The following GCLC variants were observed in gnomAD, a reference collection of about 807,000 sequenced individuals.
The protein encoded by GCLC is glutamate-cysteine ligase catalytic subunit.
Under a neutral mutation model 81.5 loss-of-function variants are expected in GCLC, and 30 were observed. The ratio of observed to expected loss-of-function variants is 0.37; its 90% CI spans 0.28 to 0.50. GCLC has a LOEUF of 0.50. Ranked by LOEUF, GCLC falls within the 20% of genes least tolerant of loss-of-function variation. GCLC has a pLI of 0.96. For synonymous variants in GCLC, 262 were observed against 273.3 expected (o/e 0.96, Z 0.41); for missense variants, 556 against 777.4 (o/e 0.72, Z 3.39).
rs1473886663 is a variant in GCLC at position 53,506,394 on chromosome 6, G to A, written c.1198-499C>T. ...GTTCTTTCTCCGTCCTGACCATCTTGGGACCCGATGGCAAGACTGGAAGGA... is the reference window on the plus strand; with the variant it reads ...GTTCTTTCTCCGTCCTGACCATCTTAGGACCCGATGGCAAGACTGGAAGGA... On this transcript the variant is annotated intron_variant, in intron 10 of 15. Transcript: ENST00000650454. This position sits in a 1 kb window ranked among gnomAD's most constrained non-coding sequence, Gnocchi z 4.0. The A allele has an allele frequency of 9.1e-6, 2 of 219,094 alleles. No homozygotes were observed. The highest frequency in any genetic ancestry group is 1.8e-5 in the Non-Finnish European group (2 of 109,976). 13.6% of individuals were successfully genotyped at this position (219,094 alleles called of 1,614,324 possible).
At position 53,514,337 on chromosome 6, in the gene GCLC, A is replaced by C. The variant is rs1208958718; in HGVS notation, c.620T>G (p.Ile207Arg). 1 of 1,587,428 alleles carries C rather than the reference A, an allele frequency of 6.3e-7. No homozygotes were observed. Among genetic ancestry groups the C allele is most frequent in the South Asian group, 1.1e-5 (1 of 90,508 alleles). ...AGATGGTGTATTCTTGTCCTTAAAT[A>C]CTGTATTATAAAAATACAAAAATAA... ...RGEKVVINVPIFKDKNTPSPF... is the reference protein window; with the variant it reads ...RGEKVVINVPRFKDKNTPSPF... The change falls in exon 6 of 16, where the codon ATA becomes AGA. Residue 207 changes from isoleucine to arginine, a missense_variant and splice_region_variant. Physicochemically the swap from Ile to Arg is moderately conservative, Grantham distance 97 (BLOSUM62 -3). Transcript: ENST00000650454.
intron 1 of GCLC, among the ~76,000 whole-genome samples, chr6:53,529,342 A>C (rs1345732076): frequency 6.6e-6 from 1 of 152,206 alleles, no homozygotes; most frequent in African/African-American, 2.4e-5. Flanking sequence ...TAAAAACATC[A>C]TGCTACCACA....
intron 8 of GCLC, 130 bp from the exon 9 acceptor site, chr6:53,507,748 T>G: frequency 2.3e-6 from 1 of 425,646 alleles, no homozygotes; most frequent in South Asian, 5.5e-5. Flanking sequence ...TAAAAAGTAT[T>G]ATTAAGGAAA....
chr6:53,505,408 A>G lies in GCLC; in HGVS notation c.1379T>C (p.Leu460Pro), dbSNP rs778107667. ...TATCCTTACCTTTGACAGTGGAATG[A>G]GAAAATCCAATTTGTAGGAAAGGAT... ...RVILSYKLDF[L>P]IPLSKVDENM... Residue 460 changes from leucine (L) to proline (P), a missense_variant, in exon 12 of 16, where the codon CTC becomes CCC. Physicochemically the swap from Leu to Pro is moderately conservative, Grantham distance 98. Transcript: ENST00000650454. 6.4e-7 allele frequency: 1 copy of G among 1,555,938 alleles called. No individual in the cohort carries two copies. Among genetic ancestry groups the G allele is most frequent in the South Asian group, 1.1e-5 (1 of 89,908 alleles).
chr6:53,498,069 T>C lies in GCLC; in HGVS notation c.*687A>G, dbSNP rs1764408389. 6.6e-6 allele frequency: 1 copy of C among 152,656 alleles called. No individual in the cohort carries two copies. The highest frequency in any genetic ancestry group is 2.1e-4 in the South Asian group (1 of 4,824). The allele number at this position is 152,656 out of a possible 1,614,324, so 9.5% of individuals were successfully genotyped here. A position where few individuals can be genotyped will look rare whatever the true frequency, so the allele number is the denominator to read the frequency against. ...TCTGGGTAATAATCTCCTTTCTTTCTATAGAGTTGTGTTTAAACTTAATTC... is the reference window on the plus strand; with the variant it reads ...TCTGGGTAATAATCTCCTTTCTTTCCATAGAGTTGTGTTTAAACTTAATTC... On this transcript the variant is annotated 3_prime_UTR_variant, in exon 16 of 16. Transcript: ENST00000650454.
chr6:53,500,215 G>A, intron 14 of GCLC, 32 bp downstream of exon 14: 1 of 1,613,304 alleles, frequency 6.2e-7, no homozygotes, highest in Non-Finnish European at 8.5e-7. Context: ...GATGTGCACA[G>A]TGAGGGGTAC....
chr6:53,498,592 T>G lies in GCLC; in HGVS notation c.*164A>C. 3 of 664,358 alleles carry G rather than the reference T, an allele frequency of 4.5e-6. No individual in the cohort carries two copies. The highest frequency in any genetic ancestry group is 8.2e-6 in the Non-Finnish European group (3 of 365,784). 41.2% of individuals were successfully genotyped at this position (664,358 alleles called of 1,614,324 possible). A position where few individuals can be genotyped will look rare whatever the true frequency, so the allele number is the denominator to read the frequency against. On this transcript the variant is annotated 3_prime_UTR_variant, in exon 16 of 16. Coordinates refer to ENST00000650454, the MANE Select transcript of GCLC (RefSeq NM_001498.4). ...CTATGTACATGTACACTGTATAAAC[T>G]CTAGATTTACCTACCAAAGAAAGCC...
chr6:53,503,729 T>A (rs1376672730), intron 12 of GCLC, among the ~76,000 whole-genome samples: 2 of 147,686 alleles, frequency 1.4e-5, no homozygotes, highest in Non-Finnish European at 2.9e-5. Context: ...TAAGGAAAAA[T>A]TCTATTATTT....
At chr6:53,503,512 G>T (rs955655800) in intron 12 of GCLC, among the ~76,000 whole-genome samples, 2 of 152,120 alleles carry the variant, frequency 1.3e-5, no homozygotes, top group African/African-American at 4.8e-5. Context: ...ATAATTCTGT[G>T]GTTGTTAATT....
At chr6:53,540,395 T>A (rs1472438248) in intron 1 of GCLC, among the ~76,000 whole-genome samples, 1 of 150,850 alleles carries the variant, frequency 6.6e-6, no homozygotes, top group Non-Finnish European at 1.5e-5. Context: ...TTATGTTAAG[T>A]GAAATACATC....
intron 1 of GCLC, among the ~76,000 whole-genome samples, chr6:53,535,508 C>T (rs1428805609): frequency 1.1e-4 from 16 of 148,684 alleles, no homozygotes; most frequent in Non-Finnish European, 1.9e-4. Flanking sequence ...AGTGAGAACT[C>T]TGTCTCAAAA....
chr6:53,505,474 T>C lies in GCLC; in HGVS notation c.1313A>G (p.Asn438Ser), dbSNP rs776394939. 1 of 1,598,216 alleles carries C rather than the reference T, an allele frequency of 6.3e-7. No individual in the cohort carries two copies. Among genetic ancestry groups the C allele is most frequent in the South Asian group, 1.1e-5 (1 of 90,700 alleles). Residue 438 changes from asparagine to serine, a missense_variant, in exon 12 of 16, where the codon AAC (asparagine) becomes AGC (serine). Coordinates refer to ENST00000650454, the MANE Select transcript of GCLC (RefSeq NM_001498.4). ...TACCACAAACACCACATAGGCAGAG[T>C]TCTCAAAGTCTGTTAATTGCACCTA... ...PMEVQLTDFE[N>S]SAYVVFVVLL...
rs545965369 is a variant in GCLC at position 53,499,061 on chromosome 6, G to A, written c.1703-94C>T. On this transcript the variant is annotated intron_variant, in intron 15 of 15. Coordinates refer to ENST00000650454, the MANE Select transcript of GCLC (RefSeq NM_001498.4). ...TAGTGGTCAGCATAAACACAATTCT[G>A]GAGAGAAATCAATATGTCCTTTTAG... 4 of 804,818 alleles carry A rather than the reference G, an allele frequency of 5.0e-6. No homozygotes were observed. In the South Asian group the frequency reaches 5.5e-5, roughly 11 times the overall value. The allele number at this position is 804,818 out of a possible 1,614,324, so 49.9% of individuals were successfully genotyped here.
In GCLC at chr6:53,518,519, G is replaced by A. The variant is rs557983793; in HGVS notation, c.446+2259C>T. On this transcript the variant is annotated intron_variant, in intron 3 of 15. Coordinates refer to ENST00000650454, the MANE Select transcript of GCLC (RefSeq NM_001498.4). Reference sequence around the variant, plus strand: ...GCCTGCCTCGGCCTCCCAAAGTGCTGGGATTACAGGTGTAAGACACCATGC... The same window carrying A: ...GCCTGCCTCGGCCTCCCAAAGTGCTAGGATTACAGGTGTAAGACACCATGC... Among the ~76,000 whole-genome samples the A allele has an allele frequency of 2.6e-4, 40 of 152,240 alleles. 1 individual carries two copies. The South Asian group carries it at 6.8e-3, about 26-fold the overall frequency.
chr6:53,500,519 G>A lies in GCLC; in HGVS notation c.1396-6C>T. On this transcript the variant is annotated splice_polypyrimidine_tract_variant and splice_region_variant and intron_variant, in intron 12 of 15. Transcript: ENST00000650454. The stretch of plus-strand genomic sequence containing the variant: ...ACCTTCATGTTCTCATCAACCTAAG[G>A]GAAAAAAAGAATCACGACTAAGTCA... The A allele has an allele frequency of 2.5e-6, 4 of 1,596,000 alleles. No homozygotes were observed. Among genetic ancestry groups the A allele is most frequent in the Non-Finnish European group, 3.4e-6 (4 of 1,164,650 alleles).
intron 1 of GCLC, among the ~76,000 whole-genome samples, chr6:53,530,384 T>C (rs1036946736): frequency 1.3e-5 from 2 of 152,122 alleles, no homozygotes; most frequent in African/African-American, 4.8e-5. Flanking sequence ...ATTTGGAAGA[T>C]TTAGGTTTTT....
chr6:53,541,974 C>A (rs1298287385), intron 1 of GCLC, among the ~76,000 whole-genome samples: 1 of 152,068 alleles, frequency 6.6e-6, no homozygotes, highest in Non-Finnish European at 1.5e-5. Context: ...CTTAAGCGAT[C>A]CTTCTATCTC....
rs1265974238 is a variant in GCLC at position 53,545,051 on chromosome 6, G to C, written c.-406C>G. Reference sequence around the variant, plus strand: ...TTCTTCCTACTTGTGACCAAAACCTGCGCCGCCGCGGAGCATGCCCAGTCT... The same window carrying C: ...TTCTTCCTACTTGTGACCAAAACCTCCGCCGCCGCGGAGCATGCCCAGTCT... On this transcript the variant is annotated 5_prime_UTR_variant, in exon 1 of 16. Transcript: ENST00000650454. The C allele has an allele frequency of 6.4e-6, 1 of 156,698 alleles. No individual in the cohort carries two copies. The highest frequency in any genetic ancestry group is 1.4e-5 in the Non-Finnish European group (1 of 71,202). The allele number at this position is 156,698 out of a possible 1,614,324, so 9.7% of individuals were successfully genotyped here. A position where few individuals can be genotyped will look rare whatever the true frequency, so the allele number is the denominator to read the frequency against.
intron 3 of GCLC, among the ~76,000 whole-genome samples, chr6:53,520,422 G>A (rs1762970595): frequency 6.6e-6 from 1 of 152,202 alleles, no homozygotes; most frequent in African/African-American, 2.4e-5. Context: ...CAGCATTCCA[G>A]AAGCTTTGGC....
Sources: gnomAD v4.1 joint callset for allele counts (sites outside exome capture counted in the v4.1 genomes callset) on GRCh38, gnomAD v4.1.1 for gene constraint, Gnocchi (gnomAD v3.1) non-coding constraint, MANE v1.5 for transcripts, NCBI Gene and HGNC (gene_info 2026-07-23, HGNC 2026-07-21) for gene names.